TMC3: variants seen among roughly 807,000 people sequenced by gnomAD.
TMC3 encodes the protein transmembrane channel-like protein 3.
TMC3 carries 98 observed loss-of-function variants against 110.6 expected under a neutral mutation model. That is an observed-to-expected ratio of 0.89 (90% CI 0.75 to 1.05). The LOEUF (loss-of-function observed/expected upper bound fraction) is 1.05, where lower values mean the gene tolerates loss of function less well. Ranked by LOEUF, TMC3 falls within the 50% of genes least tolerant of loss-of-function variation. The pLI, the probability that TMC3 is intolerant of heterozygous loss-of-function variation, is 0.00. For synonymous variants in TMC3, 489 were observed against 513.1 expected (o/e 0.95, Z 0.63); for missense variants, 1,319 against 1,373.2 (o/e 0.96, Z 0.62).
intron 16 of TMC3, among the ~76,000 whole-genome samples, chr15:81,340,712 G>A (rs1300536709): frequency 6.6e-6 from 1 of 152,196 alleles, no homozygotes; most frequent in African/African-American, 2.4e-5. Context: ...ATTTGCTAAA[G>A]GTGAACATAT....
In TMC3 at chr15:81,333,160, A is replaced by G; in HGVS notation, c.2562T>C (p.Pro854=). ...TTTGCTGAAAGTCTTTTCGGAAAAG[A>G]GGTTCTGAGTGTACATCTTCGATGT... ...TTHIEDVHSE[P]LFRKDFQQIN... is the part of the protein sequence containing the mutation. Residue 854 remains proline, a synonymous_variant, in exon 22 of 22, where the codon CCT becomes CCC. Transcript: ENST00000359440. The G allele has an allele frequency of 6.2e-7, 1 of 1,614,070 alleles. No individual in the cohort carries two copies. The highest frequency in any genetic ancestry group is 8.5e-7 in the Non-Finnish European group (1 of 1,179,902).
Position 81,333,137 on chromosome 15 carries a change from T to A in TMC3, c.2585A>T (p.Gln862Leu). 1 of 1,614,062 alleles carries A rather than the reference T, an allele frequency of 6.2e-7. No homozygotes were observed. The change falls in exon 22 of 22, where the codon CAA (glutamine) becomes CTA (leucine). Residue 862 changes from glutamine (Q) to leucine (L), a missense_variant. Transcript: ENST00000359440. ...TGGTCCACGGTGAGGAGGGTTGATT[T>A]GCTGAAAGTCTTTTCGGAAAAGAGG... ...SEPLFRKDFQ[Q>L]INPPHRGPQA...
At chr15:81,359,957 T>G (rs1894151062) in intron 4 of TMC3, among the ~76,000 whole-genome samples, 1 of 152,180 alleles carries the variant, frequency 6.6e-6, no homozygotes, top group South Asian at 2.1e-4. Context: ...CTTTCCAACT[T>G]TTCTATACAT....
intron 4 of TMC3, among the ~76,000 whole-genome samples, chr15:81,361,641 TA>T (rs1422266897): frequency 6.6e-6 from 1 of 152,206 alleles, no homozygotes; most frequent in Non-Finnish European, 1.5e-5. Context: ...ATCAAACTTG[TA>T]AATTAATTTT....
At position 81,331,443 on chromosome 15, in the gene TMC3, GTTC is replaced by G. The variant is rs772090745; in HGVS notation, c.*973_*975del. On this transcript the variant is annotated 3_prime_UTR_variant, in exon 22 of 22. Transcript: ENST00000359440. ...ACAGAAGGAAAAACAGGCAGTTAGTGTTCTTCTTTAACTTAGACTATGGGGGAG... is the reference window on the plus strand; with the variant it reads ...ACAGAAGGAAAAACAGGCAGTTAGTGTTCTTTAACTTAGACTATGGGGGAG... 2.0e-5 allele frequency: 3 copies of G among 152,296 alleles called. No individual in the cohort carries two copies. The highest frequency in any genetic ancestry group is 4.4e-5 in the Non-Finnish European group (3 of 68,016). 9.4% of individuals were successfully genotyped at this position (152,296 alleles called of 1,614,324 possible).
At position 81,332,779 on chromosome 15, in the gene TMC3, C is replaced by T. The variant is rs773378853; in HGVS notation, c.2943G>A (p.Gln981=). ...HFYIGERSES[Q]TRDPEHQGRV... ...TCCCCTGGTGCTCGGGATCCCGGGT[C>T]TGACTTTCGGACCTCTCCCCAATAT... The change falls in exon 22 of 22, where the codon CAG becomes CAA. Residue 981 remains glutamine, a synonymous_variant. Coordinates refer to ENST00000359440, the MANE Select transcript of TMC3 (RefSeq NM_001080532.3). The T allele has an allele frequency of 6.2e-7, 1 of 1,611,478 alleles. No homozygotes were observed.
intron 16 of TMC3, 125 bp from the exon 17 acceptor site, chr15:81,339,629 C>T: frequency 1.4e-6 from 1 of 704,078 alleles, no homozygotes; most frequent in Non-Finnish European, 2.5e-6. Context: ...ATCCTCCTCT[C>T]AGGGTTACCT....
Position 81,349,498 on chromosome 15 carries a change from T to A in TMC3, c.1153A>T (p.Met385Leu). 2 of 1,559,210 alleles carry A rather than the reference T, an allele frequency of 1.3e-6. No individual in the cohort carries two copies. Among genetic ancestry groups the A allele is most frequent in the East Asian group, 2.5e-5 (1 of 40,470 alleles). ...CGCAGCGTGGTCCTGGGGTGGTACA[T>A]CTCTAAGGCAGCAATGAGGTCAAAG... is the stretch of plus-strand genomic sequence containing the variant. ...SAFDLIAALE[M>L]YHPRTTLRFQ... Residue 385 changes from methionine (M) to leucine (L), a missense_variant, in exon 11 of 22, where the codon ATG (methionine) becomes TTG (leucine). Coordinates refer to ENST00000359440, the MANE Select transcript of TMC3 (RefSeq NM_001080532.3).
At chr15:81,344,110 G>T (rs1893774467) in intron 13 of TMC3, 65 bp from the exon 14 acceptor site, 2 of 1,553,618 alleles carry the variant, frequency 1.3e-6, no homozygotes, top group Admixed American at 1.7e-5. Flanking sequence ...TCTTCCTTCA[G>T]GGTGCTCCTA....
At position 81,332,774 on chromosome 15, in the gene TMC3, C is replaced by T. The variant is rs749716147; in HGVS notation, c.2948G>A (p.Arg983Gln). Reference protein sequence around the residue: ...YIGERSESQTRDPEHQGRVHY... With the variant: ...YIGERSESQTQDPEHQGRVHY... ...CACCCTCCCCTGGTGCTCGGGATCC[C>T]GGGTCTGACTTTCGGACCTCTCCCC... The change falls in exon 22 of 22, where the codon CGG becomes CAG. Residue 983 changes from arginine to glutamine, a missense_variant. By Grantham distance (43) the Arg-to-Gln change is conservative. Coordinates refer to ENST00000359440, the MANE Select transcript of TMC3 (RefSeq NM_001080532.3). 1.9e-6 allele frequency: 3 copies of T among 1,611,604 alleles called. No individual in the cohort carries two copies. The highest frequency in any genetic ancestry group is 1.7e-6 in the Non-Finnish European group (2 of 1,178,942).
chr15:81,372,302 A>G (rs1894451043), intron 2 of TMC3, among the ~76,000 whole-genome samples: 1 of 151,526 alleles, frequency 6.6e-6, no homozygotes, highest in Admixed American at 6.6e-5. Context: ...CCCCCAACAC[A>G]GACACACAAC....
intron 3 of TMC3, among the ~76,000 whole-genome samples, chr15:81,364,742 A>AT (rs879569207): frequency 6.6e-6 from 1 of 151,574 alleles, no homozygotes; most frequent in African/African-American, 2.4e-5. Context: ...TAAAAAAAAA[A>AT]TTTAAAAATC....
intron 13 of TMC3, 119 bp from the exon 14 acceptor site, chr15:81,344,164 A>G (rs1893775728): frequency 6.9e-6 from 7 of 1,020,654 alleles, no homozygotes; most frequent in Non-Finnish European, 9.8e-6. Context: ...GGCCCCTCCA[A>G]TGGCATCTTC....
At position 81,359,920 on chromosome 15, in the gene TMC3, C is replaced by T. The variant is rs1020075162; in HGVS notation, c.395-449G>A. ...TTGCTAGATGTTCACAATAGTGGAC[C>T]GTGGGTGAAGGGTACACGGGAATTC... On this transcript the variant is annotated intron_variant, in intron 4 of 21. Coordinates refer to ENST00000359440, the MANE Select transcript of TMC3 (RefSeq NM_001080532.3). Among the ~76,000 whole-genome samples, 8 of 152,006 alleles carry T rather than the reference C, an allele frequency of 5.3e-5. No homozygotes were observed. The Middle Eastern group carries it at 0.01, about 194-fold the overall frequency.
chr15:81,353,074 G>A (rs954185759), intron 9 of TMC3, among the ~76,000 whole-genome samples: 3 of 151,990 alleles, frequency 2.0e-5, no homozygotes, highest in East Asian at 1.9e-4. Context: ...TGCCCGCCTC[G>A]GCCTCCCAAA....
Position 81,338,770 on chromosome 15 carries a change from T to C in TMC3, c.1966A>G (p.Lys656Glu). ...GTTTCTGACACAATGTCATAAATTT[T>C]CTCTTGTCCACTGTGAGAAAGAAAA... ...LNCGPFSGQE[K>E]IYDIVSETIE... Residue 656 changes from lysine (K) to glutamate (E), a missense_variant, in exon 18 of 22, where the codon AAA (lysine) becomes GAA (glutamate). Physicochemically the swap from Lys to Glu is moderately conservative, Grantham distance 56. Coordinates refer to ENST00000359440, the MANE Select transcript of TMC3 (RefSeq NM_001080532.3). 1 of 1,613,806 alleles carries C rather than the reference T, an allele frequency of 6.2e-7. No homozygotes were observed. The highest frequency in any genetic ancestry group is 1.3e-5 in the African/African-American group (1 of 75,042).
In TMC3 at chr15:81,337,195, C is replaced by T. The variant is rs75957937; in HGVS notation, c.2161-544G>A. On this transcript the variant is annotated intron_variant, in intron 19 of 21. Coordinates refer to ENST00000359440, the MANE Select transcript of TMC3 (RefSeq NM_001080532.3). ...CTGTGAAAGGACAGAATCAGCATTA[C>T]GCTTACAGAGCCTCCTTAAATGTGG... Among the ~76,000 whole-genome samples the T allele has an allele frequency of 5.0e-3, 755 of 151,854 alleles. 7 individuals are homozygous for T. Among genetic ancestry groups the T allele is most frequent in the African/African-American group, 0.018 (727 of 41,406 alleles).
chr15:81,350,932 G>A (rs955701591), intron 10 of TMC3, among the ~76,000 whole-genome samples: 1 of 152,194 alleles, frequency 6.6e-6, no homozygotes, highest in Non-Finnish European at 1.5e-5. Flanking sequence ...CAAACCATTT[G>A]TGTAGAGCTG....
In TMC3 at chr15:81,332,933, G is replaced by C. The variant is rs1893502108; in HGVS notation, c.2789C>G (p.Ser930Cys). ...GGAGGGAGGCTGGCGGGGGACCCGG[G>C]ATGCATATTGTCGCACGTTCCTGGG... ...LYPRNVRQYA[S>C]RVPRQPPSPQ... Residue 930 changes from serine (S) to cysteine (C), a missense_variant, in exon 22 of 22, where the codon TCC becomes TGC. Coordinates refer to ENST00000359440, the MANE Select transcript of TMC3 (RefSeq NM_001080532.3). 6.2e-7 allele frequency: 1 copy of C among 1,612,518 alleles called. No individual in the cohort carries two copies. The highest frequency in any genetic ancestry group is 1.3e-5 in the African/African-American group (1 of 74,906).
Sources: allele counts gnomAD v4.1 joint callset (sites outside exome capture counted in the v4.1 genomes callset), GRCh38; gene constraint gnomAD v4.1.1; transcripts MANE v1.5; gene names NCBI Gene and HGNC (gene_info 2026-07-23, HGNC 2026-07-21).